The following SIAH3 variants were observed in gnomAD, a reference collection of about 807,000 sequenced individuals.
SIAH3 encodes the protein siah E3 ubiquitin protein ligase family member 3, also known as seven in absentia homolog 3.
A neutral mutation model predicts 12.6 loss-of-function variants in SIAH3; 9 were observed. The observed-to-expected ratio is 0.72, with a 90% CI of 0.43 to 1.25. SIAH3 has a LOEUF of 1.25. Among genes scored for constraint, SIAH3 ranks in the 50% most tolerant of loss-of-function variants. The pLI, the probability that SIAH3 is intolerant of heterozygous loss-of-function variation, is 0.00. For missense variants in SIAH3, 390 were observed against 365.4 expected (o/e 1.07, Z -0.55); for synonymous variants, 154 against 151.1 (o/e 1.02, Z -0.14).
intron 1 of SIAH3, among the ~76,000 whole-genome samples, chr13:45,833,699 T>A (rs1206975618): frequency 6.6e-6 from 1 of 152,198 alleles, no homozygotes; most frequent in Non-Finnish European, 1.5e-5. Flanking sequence ...CTATCCATTC[T>A]GGTTTTGCAA....
At chr13:45,796,330 T>A (rs929192035) in intron 1 of SIAH3, among the ~76,000 whole-genome samples, 2 of 152,128 alleles carry the variant, frequency 1.3e-5, no homozygotes, top group African/African-American at 4.8e-5. Context: ...TGGACATATT[T>A]CATGGGCGGG....
chr13:45,817,569 G>A (rs1950639023), intron 1 of SIAH3, among the ~76,000 whole-genome samples: 1 of 152,166 alleles, frequency 6.6e-6, no homozygotes, highest in Admixed American at 6.5e-5. Context: ...GTCCTTATAC[G>A]AGGGAGGCAG....
intron 1 of SIAH3, among the ~76,000 whole-genome samples, chr13:45,819,619 G>A (rs1950648107): frequency 6.6e-6 from 1 of 152,226 alleles, no homozygotes; most frequent in Non-Finnish European, 1.5e-5. Context: ...CACACAATGT[G>A]GCTTTAGAAA....
intron 1 of SIAH3, among the ~76,000 whole-genome samples, chr13:45,833,389 C>G (rs1334259777): frequency 6.6e-6 from 1 of 152,078 alleles, no homozygotes; most frequent in Non-Finnish European, 1.5e-5. Flanking sequence ...AGTCAACCAC[C>G]CTGGGTCTTT....
chr13:45,791,198 T>C (rs1326145756), intron 1 of SIAH3, among the ~76,000 whole-genome samples: 2 of 151,838 alleles, frequency 1.3e-5, no homozygotes, highest in Non-Finnish European at 2.9e-5. Context: ...AAATCACTAA[T>C]TGGTAGCCTT....
At chr13:45,843,034 C>CGTGTGTG (rs1555260000) in intron 1 of SIAH3, among the ~76,000 whole-genome samples, 1,449 of 139,288 alleles carry the variant, frequency 0.01, 33 homozygotes, top group African/African-American at 0.037. Flanking sequence ...CTCTCTCTCT[C>CGTGTGTG]TGTGTGTGTG....
chr13:45,851,667 G>A lies in SIAH3; in HGVS notation c.-38C>T. On this transcript the variant is annotated 5_prime_UTR_variant, in exon 1 of 2. Coordinates refer to ENST00000400405, the MANE Select transcript of SIAH3 (RefSeq NM_198849.3). ...GGGGTTGTTGGTCCGGGAAGGCAGC[G>A]GAGGAAGCTGTGAGTCCTTGGGCCC... 6.2e-7 allele frequency: 1 copy of A among 1,613,504 alleles called. No individual in the cohort carries two copies. The highest frequency in any genetic ancestry group is 2.2e-5 in the East Asian group (1 of 44,878).
chr13:45,842,068 T>C (rs1451492222), intron 1 of SIAH3, among the ~76,000 whole-genome samples: 2 of 152,212 alleles, frequency 1.3e-5, no homozygotes, highest in African/African-American at 4.8e-5. Context: ...ACCGGCTCCT[T>C]AAACTAGGAC....
intron 1 of SIAH3, among the ~76,000 whole-genome samples, chr13:45,822,844 C>A (rs1391595612): frequency 1.3e-5 from 2 of 151,984 alleles, no homozygotes; most frequent in Non-Finnish European, 2.9e-5. Flanking sequence ...TCACGGCCTG[C>A]CCCATGGCCT....
At chr13:45,809,569 C>T (rs1950609591) in intron 1 of SIAH3, among the ~76,000 whole-genome samples, 1 of 152,106 alleles carries the variant, frequency 6.6e-6, no homozygotes, top group Non-Finnish European at 1.5e-5. Flanking sequence ...CTGGAAAGAC[C>T]CCATACTGCT....
intron 1 of SIAH3, among the ~76,000 whole-genome samples, chr13:45,800,704 A>G (rs1315672325): frequency 6.6e-6 from 1 of 152,222 alleles, no homozygotes; most frequent in African/African-American, 2.4e-5. Context: ...AGCTCTTGCT[A>G]GGAAGAGGAC....
At chr13:45,837,017 G>C (rs1415079923) in intron 1 of SIAH3, among the ~76,000 whole-genome samples, 1 of 152,188 alleles carries the variant, frequency 6.6e-6, no homozygotes, top group Non-Finnish European at 1.5e-5. Context: ...TGCCGCCCTA[G>C]TGCCAGCCCC....
chr13:45,812,810 C>T (rs1233853469), intron 1 of SIAH3, among the ~76,000 whole-genome samples: 3 of 152,184 alleles, frequency 2.0e-5, no homozygotes, highest in Admixed American at 6.5e-5. Context: ...GCACTAGTGA[C>T]ATAAAAGGCT....
chr13:45,822,185 T>C (rs1192355220), intron 1 of SIAH3, among the ~76,000 whole-genome samples: 1 of 152,008 alleles, frequency 6.6e-6, no homozygotes, highest in Non-Finnish European at 1.5e-5. Flanking sequence ...GACACTGGGG[T>C]CTCAATGCGG....
At chr13:45,829,457 AT>A (rs1593385889) in intron 1 of SIAH3, among the ~76,000 whole-genome samples, 1 of 152,120 alleles carries the variant, frequency 6.6e-6, no homozygotes. Context: ...AATAAAAAAA[AT>A]ATTATCCGGG....
At chr13:45,794,083 G>A (rs1950554843) in intron 1 of SIAH3, among the ~76,000 whole-genome samples, 1 of 144,946 alleles carries the variant, frequency 6.9e-6, no homozygotes, top group Admixed American at 6.8e-5. Flanking sequence ...GAAGCTGTGT[G>A]GCCCTCCTGA....
intron 1 of SIAH3, among the ~76,000 whole-genome samples, chr13:45,833,499 A>AC (rs1327648170): frequency 2.0e-5 from 3 of 152,012 alleles, no homozygotes; most frequent in Non-Finnish European, 2.9e-5. Context: ...ACACGCACAC[A>AC]CACACACACG....
chr13:45,786,487 G>C (rs1223058841), intron 1 of SIAH3, among the ~76,000 whole-genome samples: 1 of 152,240 alleles, frequency 6.6e-6, no homozygotes, highest in Non-Finnish European at 1.5e-5. Flanking sequence ...ACAGATCATA[G>C]ACTAGGAAGT....
intron 1 of SIAH3, among the ~76,000 whole-genome samples, chr13:45,833,807 C>T (rs1950708570): frequency 6.6e-6 from 1 of 152,116 alleles, no homozygotes; most frequent in African/African-American, 2.4e-5. Flanking sequence ...CTGGCTCCCT[C>T]TCCCAAGCAT....
Sources: allele counts gnomAD v4.1 joint callset (sites outside exome capture counted in the v4.1 genomes callset), GRCh38; gene constraint gnomAD v4.1.1; transcripts MANE v1.5; gene names NCBI Gene and HGNC (gene_info 2026-07-23, HGNC 2026-07-21).